The following SPIDR variants were observed in gnomAD, a reference collection of about 807,000 sequenced individuals.
The protein encoded by SPIDR is DNA repair-scaffolding protein.
In SPIDR, 93 loss-of-function variants were observed where a neutral mutation model predicts 104.6. The observed-to-expected ratio is 0.89, with a 90% confidence interval of 0.75 to 1.06. The LOEUF is 1.06. Ranked by LOEUF, SPIDR falls within the 50% of genes least tolerant of loss-of-function variation. The pLI is 0.00. For missense variants in SPIDR, 1,154 were observed against 1,111.2 expected, an observed-to-expected ratio of 1.04 and a Z score of -0.55; for synonymous variants, 431 against 416.9, an observed-to-expected ratio of 1.03 and a Z score of -0.41.
At chr8:47,264,415 A>G (rs560028333) in intron 1 of SPIDR, among the ~76,000 whole-genome samples, 2 of 152,262 alleles carry the variant, frequency 1.3e-5, no homozygotes, top group South Asian at 4.1e-4. Context: ...TTTAAGTCCC[A>G]GGGAGATTAG....
At position 47,484,000 on chromosome 8, in the gene SPIDR, C is replaced by T. The variant is rs373670687; in HGVS notation, c.1097+43458C>T. Among the ~76,000 whole-genome samples, 5 of 151,872 alleles carry T rather than the reference C, an allele frequency of 3.3e-5. No individual in the cohort carries two copies. The East Asian group carries it at 7.7e-4, about 23-fold the overall frequency. ...CTTCGTGTTAAAAAAAAAAAAATGTCGATGCATCTTTATCAAGTTAGCAAA... is the reference window on the plus strand; with the variant it reads ...CTTCGTGTTAAAAAAAAAAAAATGTTGATGCATCTTTATCAAGTTAGCAAA... On this transcript the variant is annotated intron_variant, in intron 8 of 19. Transcript: ENST00000297423.
At chr8:47,661,015 C>T (rs538833313) in intron 10 of SPIDR, 2 of 977,660 alleles carry the variant, frequency 2.0e-6, no homozygotes, top group East Asian at 1.1e-4. Context: ...TACCCAAACT[C>T]CTAGTGTCCG....
At chr8:47,582,897 C>G (rs1008550388) in intron 8 of SPIDR, among the ~76,000 whole-genome samples, 2 of 151,704 alleles carry the variant, frequency 1.3e-5, no homozygotes, top group Non-Finnish European at 2.9e-5. Flanking sequence ...CCACCAGACA[C>G]ACACACACAC....
intron 8 of SPIDR, among the ~76,000 whole-genome samples, chr8:47,504,210 G>C (rs949092002): frequency 6.6e-6 from 1 of 152,126 alleles, no homozygotes; most frequent in Non-Finnish European, 1.5e-5. Flanking sequence ...AGTTCTCCTG[G>C]ATAATATCCT....
chr8:47,673,984 G>C (rs759531814), intron 11 of SPIDR, 43 bp downstream of exon 11: 1 of 1,592,108 alleles, frequency 6.3e-7, no homozygotes, highest in South Asian at 1.1e-5. Flanking sequence ...TACAATTGTT[G>C]GTTCTTTTTC....
intron 10 of SPIDR, among the ~76,000 whole-genome samples, chr8:47,624,141 G>C (rs2065608498): frequency 6.6e-6 from 1 of 151,940 alleles, no homozygotes; most frequent in Non-Finnish European, 1.5e-5. Context: ...TGACTACTGG[G>C]TACATAACGA....
At chr8:47,502,614 G>A (rs571254687) in intron 8 of SPIDR, among the ~76,000 whole-genome samples, 1 of 152,084 alleles carries the variant, frequency 6.6e-6, no homozygotes, top group South Asian at 2.1e-4. Flanking sequence ...TTTTTTGAAG[G>A]GTTTTTCGTG....
At chr8:47,518,814 T>C (rs2083557386) in intron 8 of SPIDR, among the ~76,000 whole-genome samples, 1 of 151,796 alleles carries the variant, frequency 6.6e-6, no homozygotes. Flanking sequence ...TTTTTGTATT[T>C]TTAGTAAAGA....
intron 10 of SPIDR, among the ~76,000 whole-genome samples, chr8:47,648,803 A>G (rs930997441): frequency 6.6e-6 from 1 of 152,226 alleles, no homozygotes; most frequent in Non-Finnish European, 1.5e-5. Context: ...ATCTGGGGCA[A>G]TTCATGCATC....
intron 5 of SPIDR, among the ~76,000 whole-genome samples, chr8:47,362,526 A>T (rs1554630855): frequency 6.6e-6 from 1 of 152,200 alleles, no homozygotes; most frequent in African/African-American, 2.4e-5. Context: ...TAGAATGTAT[A>T]TTGATTGTGT....
chr8:47,312,439 A>G (rs1295994103), intron 5 of SPIDR, among the ~76,000 whole-genome samples: 17 of 152,062 alleles, frequency 1.1e-4, no homozygotes, highest in Admixed American at 7.2e-4. Context: ...GTATCTCATT[A>G]TGGTTTTGAT....
intron 3 of SPIDR, among the ~76,000 whole-genome samples, chr8:47,289,792 T>C (rs1447350692): frequency 6.6e-6 from 1 of 152,154 alleles, no homozygotes; most frequent in African/African-American, 2.4e-5. Flanking sequence ...TAAATTCACA[T>C]AACATCTTAT....
intron 8 of SPIDR, among the ~76,000 whole-genome samples, chr8:47,497,742 G>A (rs1243121919): frequency 5.3e-5 from 8 of 152,082 alleles, no homozygotes; most frequent in African/African-American, 1.9e-4. Flanking sequence ...GTTCTACAAG[G>A]GTAAAGGGTT....
At chr8:47,599,286 C>A in intron 10 of SPIDR, 90 bp downstream of exon 10, 1 of 1,520,240 alleles carries the variant, frequency 6.6e-7, no homozygotes, top group Non-Finnish European at 8.9e-7. Context: ...AGAGCACGTT[C>A]TTAGCTGCAT....
At chr8:47,669,267 G>A (rs1314556112) in intron 10 of SPIDR, among the ~76,000 whole-genome samples, 1 of 152,214 alleles carries the variant, frequency 6.6e-6, no homozygotes, top group Non-Finnish European at 1.5e-5. Flanking sequence ...CTGATTTTAG[G>A]AGATAGCGTT....
At chr8:47,423,658 C>G (rs1397545651) in intron 7 of SPIDR, among the ~76,000 whole-genome samples, 1 of 152,054 alleles carries the variant, frequency 6.6e-6, no homozygotes, top group Admixed American at 6.6e-5. Context: ...ATGTTGCACC[C>G]AAAGGCCTTG....
intron 8 of SPIDR, among the ~76,000 whole-genome samples, chr8:47,515,814 CT>C (rs568441354): frequency 6.6e-6 from 1 of 152,244 alleles, no homozygotes; most frequent in Non-Finnish European, 1.5e-5. Flanking sequence ...CATGAAATGC[CT>C]TTTTTTCCTT....
chr8:47,435,582 A>C (rs1381408765), intron 7 of SPIDR, among the ~76,000 whole-genome samples: 2 of 151,962 alleles, frequency 1.3e-5, no homozygotes, highest in Non-Finnish European at 2.9e-5. Flanking sequence ...TAATCGTTTA[A>C]CATCTTTGCT....
chr8:47,719,139 A>G (rs1266744484), intron 16 of SPIDR, among the ~76,000 whole-genome samples: 1 of 152,120 alleles, frequency 6.6e-6, no homozygotes, highest in East Asian at 1.9e-4. Context: ...CAGTTAGTAA[A>G]TGTCCTAGGA....
Sources: allele counts gnomAD v4.1 joint callset (sites outside exome capture counted in the v4.1 genomes callset), GRCh38; gene constraint gnomAD v4.1.1; transcripts MANE v1.5; gene names NCBI Gene and HGNC (gene_info 2026-07-23, HGNC 2026-07-21).